DENND2B: variants seen among roughly 807,000 people sequenced by gnomAD.
DENND2B encodes the protein DENN domain-containing protein 2B.
Under a neutral mutation model 116.0 loss-of-function variants are expected in DENND2B, and 32 were observed. That is an observed-to-expected ratio of 0.28 (90% CI 0.21 to 0.37). The LOEUF is 0.37. DENND2B is among the 10% of genes least tolerant of loss of function. The pLI is 1.00. For missense variants in DENND2B, 1,276 were observed against 1,477.7 expected, an observed-to-expected ratio of 0.86 and a Z score of 2.24; for synonymous variants, 588 against 583.9, an observed-to-expected ratio of 1.01 and a Z score of -0.10.
upstream of DENND2B, among the ~76,000 whole-genome samples, chr11:8,814,954 C>T (rs945738429): frequency 6.6e-6 from 1 of 152,164 alleles, no homozygotes; most frequent in African/African-American, 2.4e-5. Flanking sequence ...GTGGGCACAA[C>T]CAAAAATTCC....
chr11:8,775,920 A>C lies in DENND2B; in HGVS notation c.-25-25195T>G, dbSNP rs75032443. Among the ~76,000 whole-genome samples the C allele has an allele frequency of 5.6e-4, 86 of 152,242 alleles. No homozygotes were observed. The East Asian group carries it at 0.014, about 25-fold the overall frequency. On this transcript the variant is annotated intron_variant, in intron 1 of 19. Transcript: ENST00000313726. ...CTTCTACCTCCAGTCCTCTCTGCTC[A>C]TAAGTGACAGACTAAGCATCCTGGA...
intron 4 of DENND2B, among the ~76,000 whole-genome samples, chr11:8,724,335 G>A (rs1405999805): frequency 6.6e-6 from 1 of 151,974 alleles, no homozygotes; most frequent in Non-Finnish European, 1.5e-5. Context: ...ATAATCTGGA[G>A]GTTTCCCTCT....
At chr11:8,759,516 T>C (rs1455089477) in intron 1 of DENND2B, among the ~76,000 whole-genome samples, 1 of 152,194 alleles carries the variant, frequency 6.6e-6, no homozygotes. Context: ...GCTACATCTA[T>C]GTTCCACTAC....
chr11:8,772,873 T>TTGG (rs1483362507), intron 1 of DENND2B, among the ~76,000 whole-genome samples: 117 of 152,260 alleles, frequency 7.7e-4, no homozygotes, highest in African/African-American at 2.6e-3. Flanking sequence ...TTGGGTATGC[T>TTGG]TACAGCGCAC....
At chr11:8,780,660 C>T (rs981467212) in intron 1 of DENND2B, among the ~76,000 whole-genome samples, 4 of 152,116 alleles carry the variant, frequency 2.6e-5, no homozygotes. Flanking sequence ...AGAGCCAAAT[C>T]AGGGATCTTA....
At chr11:8,747,512 C>T (rs1283172499) in intron 2 of DENND2B, among the ~76,000 whole-genome samples, 1 of 152,188 alleles carries the variant, frequency 6.6e-6, no homozygotes, top group Non-Finnish European at 1.5e-5. Flanking sequence ...TACCAACCTG[C>T]TTCCAGTCCC....
intron 1 of DENND2B, among the ~76,000 whole-genome samples, chr11:8,902,839 C>T (rs1338800123): frequency 6.6e-6 from 1 of 152,194 alleles, no homozygotes; most frequent in Non-Finnish European, 1.5e-5. Context: ...CTGACAATCT[C>T]TGCTTATAGA....
At chr11:8,840,280 G>A (rs1283005663) in intron 3 of DENND2B, among the ~76,000 whole-genome samples, 2 of 152,178 alleles carry the variant, frequency 1.3e-5, no homozygotes, top group Non-Finnish European at 2.9e-5. Flanking sequence ...GGTGCTTTCA[G>A]GCTTTTCTGT....
At chr11:8,855,091 G>C (rs1056667668) in intron 3 of DENND2B, among the ~76,000 whole-genome samples, 6 of 151,762 alleles carry the variant, frequency 4.0e-5, no homozygotes, top group African/African-American at 1.5e-4. Flanking sequence ...GCTACAGTGA[G>C]CTGTGTTCAC....
chr11:8,719,062 T>C (rs888426264), intron 4 of DENND2B: 73 of 985,276 alleles, frequency 7.4e-5, no homozygotes, highest in Middle Eastern at 1.0e-3. Flanking sequence ...TGCCACTGAG[T>C]CCCACACTTG....
chr11:8,736,694 T>A (rs1592940516), intron 2 of DENND2B, among the ~76,000 whole-genome samples: 1 of 152,274 alleles, frequency 6.6e-6, no homozygotes, highest in South Asian at 2.1e-4. Context: ...AGGGCAAAGA[T>A]AACCGCATGC....
At chr11:8,862,774 G>A (rs1360303418) in intron 2 of DENND2B, among the ~76,000 whole-genome samples, 3 of 152,134 alleles carry the variant, frequency 2.0e-5, no homozygotes, top group Non-Finnish European at 2.9e-5. Context: ...CAGGACCACA[G>A]CTCTTGATGT....
intron 3 of DENND2B, among the ~76,000 whole-genome samples, chr11:8,851,722 A>G (rs983940797): frequency 7.0e-6 from 1 of 143,578 alleles, no homozygotes; most frequent in African/African-American, 2.5e-5. Flanking sequence ...GTTTAAATAC[A>G]TAGGGGGGGA....
chr11:8,740,367 C>T (rs1261594912), intron 2 of DENND2B, among the ~76,000 whole-genome samples: 4 of 152,320 alleles, frequency 2.6e-5, no homozygotes, highest in East Asian at 3.9e-4. Context: ...TTCAGTAACA[C>T]AGGCCCCTCT....
At chr11:8,777,302 A>T (rs898129249) in intron 1 of DENND2B, among the ~76,000 whole-genome samples, 3 of 152,178 alleles carry the variant, frequency 2.0e-5, no homozygotes, top group Non-Finnish European at 2.9e-5. Context: ...CCTAAGACAG[A>T]CTTGTAAGCT....
At chr11:8,722,808 G>T (rs1269163773) in intron 4 of DENND2B, among the ~76,000 whole-genome samples, 3 of 152,066 alleles carry the variant, frequency 2.0e-5, no homozygotes, top group Admixed American at 2.0e-4. Flanking sequence ...AACATCCGAT[G>T]CAGTATATTC....
At chr11:8,717,973 A>G in intron 4 of DENND2B, 81 bp from the exon 5 acceptor site, 1 of 1,517,688 alleles carries the variant, frequency 6.6e-7, no homozygotes, top group Non-Finnish European at 9.0e-7. Context: ...ATAAACAAGC[A>G]GAATTCCTGT....
intron 3 of DENND2B, among the ~76,000 whole-genome samples, chr11:8,845,904 G>T (rs1202820127): frequency 1.3e-5 from 2 of 150,422 alleles, no homozygotes; most frequent in Non-Finnish European, 1.5e-5. Context: ...GCTCAATAAA[G>T]GTCTGATTAA....
Position 8,715,716 on chromosome 11 carries a change from T to C in DENND2B, c.1732A>G (p.Met578Val). The change falls in exon 6 of 20, where the codon ATG becomes GTG. Residue 578 changes from methionine to valine, a missense_variant. Transcript: ENST00000313726. ...RLPKRHSHDD[M>V]LLLAQLSLPS... ...AGACTCAGCTGAGCCAGCAGCAGCA[T>C]GTCGTCATGGCTGTGCCTCTTGGGT... is the stretch of plus-strand genomic sequence containing the variant. The C allele has an allele frequency of 2.5e-6, 4 of 1,614,236 alleles. No homozygotes were observed. Among genetic ancestry groups the C allele is most frequent in the Non-Finnish European group, 3.4e-6 (4 of 1,180,038 alleles).
Sources: allele counts gnomAD v4.1 joint callset (sites outside exome capture counted in the v4.1 genomes callset), GRCh38; gene constraint gnomAD v4.1.1; transcripts MANE v1.5; gene names NCBI Gene and HGNC (gene_info 2026-07-23, HGNC 2026-07-21).